The following S100A5 variants were observed in gnomAD, a reference collection of about 807,000 sequenced individuals.
S100A5 encodes the protein S100 calcium binding protein A5.
Under a neutral mutation model 6.7 loss-of-function variants are expected in S100A5, and 5 were observed. That is an observed-to-expected ratio of 0.75 (90% CI 0.39 to 1.57). The LOEUF (loss-of-function observed/expected upper bound fraction) is 1.57. S100A5 is among the 40% of genes most tolerant of loss of function. The pLI is 0.03. For synonymous variants in S100A5, 49 were observed against 44.9 expected (o/e 1.09, Z -0.37); for missense variants, 129 against 110.8 (o/e 1.16, Z -0.74).
chr1:153,539,468 T>TATATATATAC (rs1312676041), intron 2 of S100A5, among the ~76,000 whole-genome samples: 1 of 124,528 alleles, frequency 8.0e-6, no homozygotes, highest in Admixed American at 8.2e-5. Flanking sequence ...TATATATATA[T>TATATATATAC]ATATATATTT....
At chr1:153,543,410 G>T, upstream of S100A5, 1 of 459,570 alleles carries the variant, frequency 2.2e-6, no homozygotes, top group Non-Finnish European at 2.9e-6. Context: ...CAGGGGGGTG[G>T]TGAGGGGTCC....
upstream of S100A5, chr1:153,543,629 C>T: frequency 1.0e-6 from 1 of 959,794 alleles, no homozygotes; most frequent in Non-Finnish European, 1.6e-6. Flanking sequence ...TCAAAACTTC[C>T]AAGAATCTTT....
At chr1:153,541,214 C>G (rs113864614), upstream of S100A5, among the ~76,000 whole-genome samples, 372 of 152,324 alleles carry the variant, frequency 2.4e-3, no homozygotes, top group African/African-American at 8.2e-3. Flanking sequence ...CACCTCCACC[C>G]CAGAGCCATT....
intron 2 of S100A5, among the ~76,000 whole-genome samples, chr1:153,539,470 TATA>T (rs1557889139): frequency 8.2e-6 from 1 of 122,222 alleles, no homozygotes; most frequent in African/African-American, 3.7e-5. Flanking sequence ...TATATATATA[TATA>T]TATTTATTTA....
chr1:153,542,533 T>G (rs1247997993), upstream of S100A5, among the ~76,000 whole-genome samples: 1 of 152,192 alleles, frequency 6.6e-6, no homozygotes, highest in Non-Finnish European at 1.5e-5. Context: ...CTGAGTCACC[T>G]GCCCCACTCC....
upstream of S100A5, chr1:153,543,589 A>G (rs2101690542): frequency 1.4e-6 from 1 of 725,540 alleles, no homozygotes; most frequent in South Asian, 1.8e-5. Flanking sequence ...TCCCCAACCC[A>G]CGCCCCCAGA....
intron 2 of S100A5, among the ~76,000 whole-genome samples, chr1:153,538,057 AAAG>A (rs1382599233): frequency 4.6e-5 from 7 of 152,146 alleles, no homozygotes; most frequent in African/African-American, 7.2e-5. Context: ...AAAAAAAAAA[AAAG>A]AACACCTTGC....
chr1:153,539,673 G>C (rs1407008950), intron 2 of S100A5, among the ~76,000 whole-genome samples: 1 of 151,448 alleles, frequency 6.6e-6, no homozygotes, highest in East Asian at 1.9e-4. Flanking sequence ...TGCACACAGA[G>C]AAGAATCAGG....
rs1665224664 is a variant in S100A5, at chr1:153,537,552, T to C, written c.139-116A>G. On this transcript the variant is annotated intron_variant, in intron 2 of 2. Coordinates refer to ENST00000368717, the MANE Select transcript of S100A5 (RefSeq NM_001394232.1). ...TCAGGGTGAGCCCCAGCTGAGTCAATGACACTGTCAGCATCTCGACCCCCA... is the reference window on the plus strand; with the variant it reads ...TCAGGGTGAGCCCCAGCTGAGTCAACGACACTGTCAGCATCTCGACCCCCA... The C allele has an allele frequency of 2.3e-6, 3 of 1,302,758 alleles. No homozygotes were observed. The Admixed American group carries it at 5.4e-5, about 23-fold the overall frequency. The allele number at this position is 1,302,758 out of a possible 1,614,324, so 80.7% of individuals were successfully genotyped here.
chr1:153,542,112 G>T (rs1331781741), upstream of S100A5, among the ~76,000 whole-genome samples: 2 of 152,180 alleles, frequency 1.3e-5, no homozygotes, highest in African/African-American at 2.4e-5. Context: ...GGGGAGGGGG[G>T]TTCAGGTTCA....
chr1:153,541,174 T>G (rs1038913886), upstream of S100A5, among the ~76,000 whole-genome samples: 1 of 152,210 alleles, frequency 6.6e-6, no homozygotes, highest in Non-Finnish European at 1.5e-5. Flanking sequence ...TCTGTGCACC[T>G]GCAGGAGCAT....
intron 2 of S100A5, 26 bp downstream of exon 2, chr1:153,540,027 GT>G (rs779754466): frequency 5.6e-6 from 9 of 1,612,652 alleles, no homozygotes; most frequent in Middle Eastern, 1.6e-4. Context: ...AGACTTTGGG[GT>G]GGAGGATGAG....
At chr1:153,540,247 C>A in intron 1 of S100A5, 42 bp from the exon 2 acceptor site, 1 of 1,607,100 alleles carries the variant, frequency 6.2e-7, no homozygotes, top group Non-Finnish European at 8.5e-7. Flanking sequence ...CAGGAAGTCA[C>A]CACCAGCAGC....
upstream of S100A5, chr1:153,541,273 C>A: frequency 2.4e-6 from 2 of 837,156 alleles, no homozygotes; most frequent in South Asian, 1.3e-5. Context: ...AGCGCATGCC[C>A]GCTTGTGGGG....
chr1:153,537,762 G>T (rs1665231401), intron 2 of S100A5, among the ~76,000 whole-genome samples: 2 of 152,174 alleles, frequency 1.3e-5, no homozygotes, highest in African/African-American at 4.8e-5. Context: ...AAAACAGCTT[G>T]CTGGGTCAGG....
rs1001411945 is a variant in S100A5 at position 153,540,886 on chromosome 1, G to A, written c.-280C>T. Among the ~76,000 whole-genome samples, 1 of 152,138 alleles carries A rather than the reference G, an allele frequency of 6.6e-6. No individual in the cohort carries two copies. Among genetic ancestry groups the A allele is most frequent in the Non-Finnish European group, 1.5e-5 (1 of 68,030 alleles). On this transcript the variant is annotated 5_prime_UTR_variant, in exon 1 of 3. Transcript: ENST00000368717. ...ATCCAGAGGCTACGCTTGAATAAGG[G>A]CCTGGATTCCAATAGCACAGCCACC...
chr1:153,541,679 A>G (rs1329732296), upstream of S100A5: 2 of 1,144,890 alleles, frequency 1.7e-6, no homozygotes, highest in Non-Finnish European at 1.1e-6. Flanking sequence ...ACCAAAAATC[A>G]GAACTCAAAA....
intron 2 of S100A5, among the ~76,000 whole-genome samples, chr1:153,539,424 C>CTCA (rs1665296830): frequency 1.1e-4 from 4 of 35,130 alleles, no homozygotes; most frequent in African/African-American, 5.1e-4. Flanking sequence ...GAGACTCTCT[C>CTCA]AAAAAAAAAA....
intron 1 of S100A5, among the ~76,000 whole-genome samples, 184 bp from the exon 2 acceptor site, chr1:153,540,389 C>G (rs1265564600): frequency 6.6e-6 from 1 of 152,198 alleles, no homozygotes; most frequent in African/African-American, 2.4e-5. Context: ...AACTCTGGAG[C>G]TGCTGGTACA....
Sources: gnomAD v4.1 joint callset for allele counts (sites outside exome capture counted in the v4.1 genomes callset) on GRCh38, gnomAD v4.1.1 for gene constraint, MANE v1.5 for transcripts, NCBI Gene and HGNC (gene_info 2026-07-23, HGNC 2026-07-21) for gene names.